The following TYW5 variants were observed in gnomAD, a reference collection of about 807,000 sequenced individuals.
TYW5 encodes the protein tRNA wybutosine-synthesizing protein 5.
TYW5 carries 36 observed loss-of-function variants against 44.4 expected under a neutral mutation model. That is an observed-to-expected ratio of 0.81 (90% CI 0.62 to 1.07). The LOEUF (loss-of-function observed/expected upper bound fraction) is 1.07. TYW5 is among the 50% of genes least tolerant of loss of function. The pLI is 0.00. For missense variants in TYW5, 354 were observed against 365.7 expected, an observed-to-expected ratio of 0.97 and a Z score of 0.26; for synonymous variants, 121 against 128.1, an observed-to-expected ratio of 0.94 and a Z score of 0.37.
chr2:199,951,490 A>C (rs2077544392), intron 1 of TYW5, among the ~76,000 whole-genome samples: 1 of 152,172 alleles, frequency 6.6e-6, no homozygotes, highest in Non-Finnish European at 1.5e-5. Context: ...TTTAGAATGT[A>C]AAACATCCAT....
chr2:199,930,940 A>AT lies in TYW5; in HGVS notation c.*2126dup, dbSNP rs750981600. ...AGAAGTTGCAGCTAACATACACTGT[A>AT]TAAGATTTTATACATTAAAAACAAA... is the stretch of plus-strand genomic sequence containing the variant. On this transcript the variant is annotated 3_prime_UTR_variant, in exon 8 of 8. Coordinates refer to ENST00000354611, the MANE Select transcript of TYW5 (RefSeq NM_001039693.3). 2.6e-5 allele frequency: 4 copies of AT among 152,224 alleles called. No individual in the cohort carries two copies. The highest frequency in any genetic ancestry group is 5.9e-5 in the Non-Finnish European group (4 of 68,038). 9.4% of individuals were successfully genotyped at this position (152,224 alleles called of 1,614,324 possible). A position where few individuals can be genotyped will look rare whatever the true frequency, so the allele number is the denominator to read the frequency against.
In TYW5 at chr2:199,936,399, C is replaced by G; in HGVS notation, c.574+6G>C. On this transcript the variant is annotated splice_donor_region_variant and intron_variant, in intron 6 of 7. Transcript: ENST00000354611. Reference sequence around the variant, plus strand: ...TTGAAATATAAACTTAAAAAAAATCCCATACCTTTTAAATATAAATACTGG... The same window carrying G: ...TTGAAATATAAACTTAAAAAAAATCGCATACCTTTTAAATATAAATACTGG... 6.2e-7 allele frequency: 1 copy of G among 1,605,130 alleles called. No individual in the cohort carries two copies. Among genetic ancestry groups the G allele is most frequent in the African/African-American group, 1.3e-5 (1 of 74,404 alleles).
chr2:199,952,427 CTCTTA>C (rs376101336), intron 1 of TYW5, among the ~76,000 whole-genome samples: 12 of 152,100 alleles, frequency 7.9e-5, no homozygotes, highest in African/African-American at 2.9e-4. Flanking sequence ...AGCTTTATTT[CTCTTA>C]TGAGTAAACT....
rs538448013 is a variant in TYW5 at position 199,939,651 on chromosome 2, T to C, written c.348+438A>G. On this transcript the variant is annotated intron_variant, in intron 4 of 7. Coordinates refer to ENST00000354611, the MANE Select transcript of TYW5 (RefSeq NM_001039693.3). Reference sequence around the variant, plus strand: ...GGGACTAAAAGAGAGGGTAAACAACTAAATGGTGACATAAATGGAAAAAAT... The same window carrying C: ...GGGACTAAAAGAGAGGGTAAACAACCAAATGGTGACATAAATGGAAAAAAT... 9.2e-5 allele frequency among the ~76,000 whole-genome samples: 14 copies of C among 152,214 alleles called. No individual in the cohort carries two copies. In the South Asian group the frequency reaches 2.9e-3, roughly 32 times the overall value.
chr2:199,943,936 CCT>C, intron 2 of TYW5, 102 bp from the exon 3 acceptor site: 1 of 744,770 alleles, frequency 1.3e-6, no homozygotes, highest in Non-Finnish European at 2.1e-6. Context: ...GATATAATCT[CCT>C]GTTTTATAAT....
intron 3 of TYW5, 63 bp from the exon 4 acceptor site, chr2:199,940,196 A>G: frequency 4.2e-6 from 6 of 1,444,696 alleles, no homozygotes; most frequent in Middle Eastern, 3.7e-4. Context: ...TAAAAATACT[A>G]GGATTTGTAT....
rs1402161501 is a variant in TYW5, at chr2:199,932,795, A to G, written c.*272T>C. The stretch of plus-strand genomic sequence containing the variant: ...AAACACTGCAGCACATTCTGTCAAT[A>G]GATTTCATGTATTGTGAATCAATAT... On this transcript the variant is annotated 3_prime_UTR_variant, in exon 8 of 8. Coordinates refer to ENST00000354611, the MANE Select transcript of TYW5 (RefSeq NM_001039693.3). The G allele has an allele frequency of 2.6e-6, 1 of 390,972 alleles. No homozygotes were observed. The highest frequency in any genetic ancestry group is 4.6e-6 in the Non-Finnish European group (1 of 218,216). The allele number at this position is 390,972 out of a possible 1,614,324, so 24.2% of individuals were successfully genotyped here. A position where few individuals can be genotyped will look rare whatever the true frequency, so the allele number is the denominator to read the frequency against.
At chr2:199,942,131 G>A (rs166846) in intron 3 of TYW5, 125,857 of 151,320 alleles carry the variant, frequency 0.83, 52,432 homozygotes, top group South Asian at 0.91. Context: ...CAGTGGTGCA[G>A]TCTCGGCTCA....
intron 3 of TYW5, 171 bp downstream of exon 3, chr2:199,943,594 G>A (rs1430686482): frequency 1.4e-5 from 8 of 555,936 alleles, no homozygotes; most frequent in Non-Finnish European, 2.5e-5. Flanking sequence ...TTTGGCCAAA[G>A]TTTGAGAGCT....
chr2:199,950,001 A>C (rs1286740376), intron 1 of TYW5, among the ~76,000 whole-genome samples: 3 of 152,170 alleles, frequency 2.0e-5, no homozygotes, highest in Non-Finnish European at 4.4e-5. Flanking sequence ...GCAAAAAAAA[A>C]GAACCCGACG....
rs771411892 is a variant in TYW5, at chr2:199,938,903, A to C, written c.486+30T>G. The C allele has an allele frequency of 4.5e-6, 7 of 1,568,202 alleles. No individual in the cohort carries two copies. In the Admixed American group the frequency reaches 1.2e-4, roughly 26 times the overall value. ...ATCTATAATGCTAAAGATCTATTGTAGCTTTAAATTTCTCATTTATGTAGC... is the reference window on the plus strand; with the variant it reads ...ATCTATAATGCTAAAGATCTATTGTCGCTTTAAATTTCTCATTTATGTAGC... On this transcript the variant is annotated intron_variant, in intron 5 of 7. Transcript: ENST00000354611.
At chr2:199,953,190 G>T (rs2077560273) in intron 1 of TYW5, among the ~76,000 whole-genome samples, 2 of 152,158 alleles carry the variant, frequency 1.3e-5, no homozygotes, top group South Asian at 4.1e-4. Flanking sequence ...GGACGTCGGG[G>T]CGGGTGCCTG....
At chr2:199,950,995 G>T (rs1321185891) in intron 1 of TYW5, among the ~76,000 whole-genome samples, 1 of 152,090 alleles carries the variant, frequency 6.6e-6, no homozygotes, top group Non-Finnish European at 1.5e-5. Context: ...CCACTACTAT[G>T]ACCACTGTCA....
intron 5 of TYW5, among the ~76,000 whole-genome samples, chr2:199,938,551 TGG>T (rs2077439690): frequency 6.6e-6 from 1 of 152,194 alleles, no homozygotes; most frequent in Non-Finnish European, 1.5e-5. Flanking sequence ...TATGGATCTC[TGG>T]GTAGCCAGAG....
chr2:199,936,115 A>C, intron 6 of TYW5, 68 bp from the exon 7 acceptor site: 1 of 975,614 alleles, frequency 1.0e-6, no homozygotes, highest in Non-Finnish European at 1.6e-6. Context: ...GTAATCACAA[A>C]TATAAATTTG....
intron 3 of TYW5, among the ~76,000 whole-genome samples, chr2:199,941,677 A>C (rs1227502866): frequency 6.6e-6 from 1 of 152,246 alleles, no homozygotes; most frequent in Non-Finnish European, 1.5e-5. Flanking sequence ...CTAACATTTC[A>C]AGATTTAAAA....
At chr2:199,940,041 T>TAC (rs775513207) in intron 4 of TYW5, 48 bp downstream of exon 4, 9 of 1,547,560 alleles carry the variant, frequency 5.8e-6, no homozygotes, top group Non-Finnish European at 8.0e-6. Flanking sequence ...TTAACATACA[T>TAC]ACATCCATTT....
rs556023965 is a variant in TYW5, at chr2:199,929,823, T to C, written c.*3244A>G. ...TGTTATGAAATGCTAATAATTACAC[T>C]CTGTTTAGTTTTTTTTTTTGAGACA... On this transcript the variant is annotated 3_prime_UTR_variant, in exon 8 of 8. Coordinates refer to ENST00000354611, the MANE Select transcript of TYW5 (RefSeq NM_001039693.3). 1.3e-5 allele frequency among the ~76,000 whole-genome samples: 2 copies of C among 151,322 alleles called. No individual in the cohort carries two copies. The highest frequency in any genetic ancestry group is 2.9e-5 in the Non-Finnish European group (2 of 67,942).
chr2:199,952,625 A>G (rs2077554749), intron 1 of TYW5, among the ~76,000 whole-genome samples: 1 of 152,188 alleles, frequency 6.6e-6, no homozygotes, highest in South Asian at 2.1e-4. Flanking sequence ...TTGTCTTTCA[A>G]ATTTGCTTAC....
Sources: gnomAD v4.1 joint callset for allele counts (sites outside exome capture counted in the v4.1 genomes callset) on GRCh38, gnomAD v4.1.1 for gene constraint, MANE v1.5 for transcripts, NCBI Gene and HGNC (gene_info 2026-07-23, HGNC 2026-07-21) for gene names.